Variants in ST3GAL1 observed in about 807,000 individuals in gnomAD.
ST3GAL1 encodes CMP-N-acetylneuraminate-beta-galactosamide-alpha-2,3-sialyltransferase 1.
In ST3GAL1, 16 loss-of-function variants were observed where a neutral mutation model predicts 34.1. The observed-to-expected ratio is 0.47, with a 90% CI of 0.32 to 0.71. ST3GAL1 has a LOEUF of 0.71. Ranked by LOEUF, ST3GAL1 falls within the 30% of genes least tolerant of loss-of-function variation. The pLI is 0.04. For synonymous variants in ST3GAL1, 191 were observed against 184.7 expected, an observed-to-expected ratio of 1.03 and a Z score of -0.28; for missense variants, 353 against 447.4, an observed-to-expected ratio of 0.79 and a Z score of 1.90.
intron 1 of ST3GAL1, among the ~76,000 whole-genome samples, chr8:133,557,453 G>A (rs1436881330): frequency 6.6e-6 from 1 of 152,068 alleles, no homozygotes; most frequent in Non-Finnish European, 1.5e-5. Context: ...GGTAATGCAG[G>A]CCTTGGCAGT....
chr8:133,470,805 G>T (rs925194231), intron 5 of ST3GAL1, among the ~76,000 whole-genome samples: 7 of 152,170 alleles, frequency 4.6e-5, no homozygotes, highest in Non-Finnish European at 8.8e-5. Context: ...ATGCCCAGGG[G>T]CACGGCCCGA....
intron 3 of ST3GAL1, among the ~76,000 whole-genome samples, chr8:133,488,870 G>GT (rs898445765): frequency 4.6e-5 from 7 of 152,030 alleles, no homozygotes; most frequent in Admixed American, 4.6e-4. Context: ...TGGCAGACAG[G>GT]GGGGGCCAGG....
At chr8:133,542,246 C>G (rs533111714) in intron 2 of ST3GAL1, among the ~76,000 whole-genome samples, 1 of 152,256 alleles carries the variant, frequency 6.6e-6, no homozygotes, top group African/African-American at 2.4e-5. Flanking sequence ...GGAAAGGAAC[C>G]AGGGCTCCTA....
intron 5 of ST3GAL1, among the ~76,000 whole-genome samples, chr8:133,474,070 G>T (rs1290237073): frequency 6.6e-6 from 1 of 152,194 alleles, no homozygotes; most frequent in Non-Finnish European, 1.5e-5. Flanking sequence ...TGGAAGCATA[G>T]CCCAGGGCTT....
At chr8:133,542,512 C>T (rs539976515) in intron 2 of ST3GAL1, among the ~76,000 whole-genome samples, 23 of 152,296 alleles carry the variant, frequency 1.5e-4, no homozygotes, top group Admixed American at 4.6e-4. Context: ...TGGTGGCTTA[C>T]GCCTGTATTC....
At chr8:133,551,602 GAAAGAA>G (rs1818862230) in intron 1 of ST3GAL1, among the ~76,000 whole-genome samples, 1 of 150,422 alleles carries the variant, frequency 6.6e-6, no homozygotes, top group African/African-American at 2.5e-5. Flanking sequence ...AAGAAAGAAA[GAAAGAA>G]AGAAAGAAAG....
chr8:133,544,965 A>G (rs532447803), intron 2 of ST3GAL1, among the ~76,000 whole-genome samples: 4 of 152,322 alleles, frequency 2.6e-5, no homozygotes, highest in African/African-American at 9.6e-5. Flanking sequence ...AGCAGAGTGA[A>G]GTGACATATC....
At chr8:133,483,830 G>C (rs1816482756) in intron 3 of ST3GAL1, among the ~76,000 whole-genome samples, 1 of 152,174 alleles carries the variant, frequency 6.6e-6, no homozygotes, top group Admixed American at 6.5e-5. Flanking sequence ...CTTATGTAGA[G>C]AGTCAGGCCC....
At chr8:133,482,120 G>C (rs1331995799) in intron 3 of ST3GAL1, among the ~76,000 whole-genome samples, 1 of 152,072 alleles carries the variant, frequency 6.6e-6, no homozygotes, top group Non-Finnish European at 1.5e-5. Context: ...TGCAGAAAAT[G>C]AGCAGGGAAT....
At chr8:133,512,385 T>G (rs375580954) in intron 2 of ST3GAL1, among the ~76,000 whole-genome samples, 157 of 152,354 alleles carry the variant, frequency 1.0e-3, no homozygotes, top group Middle Eastern at 3.4e-3. Flanking sequence ...CACGTTCCTC[T>G]GCCTGCTTTT....
rs933487271 is a variant in ST3GAL1, at chr8:133,469,012, G to A, written c.307-2922C>T. Reference sequence around the variant, plus strand: ...GCCGCTACTTTGATTTGGGAGCCTGGCACCGTGTATCCATCATGCAGTGAC... The same window carrying A: ...GCCGCTACTTTGATTTGGGAGCCTGACACCGTGTATCCATCATGCAGTGAC... On this transcript the variant is annotated intron_variant, in intron 5 of 9. Coordinates refer to ENST00000522652, the MANE Select transcript of ST3GAL1 (RefSeq NM_173344.3). The surrounding 1 kb of genome is among the most constrained non-coding windows in gnomAD (Gnocchi z 4.3). Among the ~76,000 whole-genome samples, 41 of 152,126 alleles carry A rather than the reference G, an allele frequency of 2.7e-4. No homozygotes were observed. The highest frequency in any genetic ancestry group is 8.9e-4 in the African/African-American group (37 of 41,416).
At chr8:133,540,898 T>TATATATAGAC (rs1563734168) in intron 2 of ST3GAL1, among the ~76,000 whole-genome samples, 12 of 92,516 alleles carry the variant, frequency 1.3e-4, no homozygotes, top group African/African-American at 4.1e-4. Context: ...TATATAGACA[T>TATATATAGAC]ATATATAGAC....
chr8:133,568,802 G>A (rs565019549), intron 1 of ST3GAL1, among the ~76,000 whole-genome samples: 2 of 152,214 alleles, frequency 1.3e-5, no homozygotes, highest in Non-Finnish European at 2.9e-5. Flanking sequence ...TCCTGGCTCG[G>A]GGGCTGCTTG....
At chr8:133,541,636 T>C (rs1818536524) in intron 2 of ST3GAL1, among the ~76,000 whole-genome samples, 4 of 152,200 alleles carry the variant, frequency 2.6e-5, no homozygotes, top group Admixed American at 2.6e-4. Flanking sequence ...GACAAATGCT[T>C]CCCCAGTCTT....
chr8:133,466,089 C>T lies in ST3GAL1; in HGVS notation c.308G>A (p.Arg103Lys), dbSNP rs147550550. The part of the protein sequence containing the change: ...LEDDTYRWWL[R>K]LQREKKPNNL... ...ATTGGGCTTCTTCTCCCGCTGGAGCCTCTGTGGGCGGAGGACAGAAGGTGG... is the reference window on the plus strand; with the variant it reads ...ATTGGGCTTCTTCTCCCGCTGGAGCTTCTGTGGGCGGAGGACAGAAGGTGG... The change falls in exon 6 of 10, where the codon AGG becomes AAG. Residue 103 changes from arginine (R) to lysine (K), a missense_variant and splice_region_variant. Transcript: ENST00000522652. This position sits in a 1 kb window ranked among gnomAD's most constrained non-coding sequence, Gnocchi z 4.4. 59 of 1,610,222 alleles carry T rather than the reference C, an allele frequency of 3.7e-5. No homozygotes were observed. The African/African-American group carries it at 7.5e-4, about 20-fold the overall frequency.
intron 2 of ST3GAL1, among the ~76,000 whole-genome samples, chr8:133,519,319 G>T (rs1345198499): frequency 6.6e-6 from 1 of 152,134 alleles, no homozygotes; most frequent in Non-Finnish European, 1.5e-5. Flanking sequence ...GGACTCATTA[G>T]CCACACTAGC....
intron 2 of ST3GAL1, among the ~76,000 whole-genome samples, chr8:133,506,473 G>C (rs1034397610): frequency 2.6e-5 from 4 of 152,184 alleles, no homozygotes; most frequent in African/African-American, 9.7e-5. Flanking sequence ...TTGAAAGATA[G>C]GATTGGTTGG....
At chr8:133,554,541 G>T (rs147733499) in intron 1 of ST3GAL1, among the ~76,000 whole-genome samples, 1 of 152,004 alleles carries the variant, frequency 6.6e-6, no homozygotes, top group Non-Finnish European at 1.5e-5. Flanking sequence ...CTAGGATTGC[G>T]CTGACTGCCC....
chr8:133,466,329 C>G lies in ST3GAL1; in HGVS notation c.307-239G>C, dbSNP rs1412014670. 6.6e-6 allele frequency among the ~76,000 whole-genome samples: 1 copy of G among 152,192 alleles called. No individual in the cohort carries two copies. ...ATGTATTCTGCAAGTGTTTACTGAG[C>G]ACCTACCATGTGCCAGGCACTGCTG... On this transcript the variant is annotated intron_variant, in intron 5 of 9. Coordinates refer to ENST00000522652, the MANE Select transcript of ST3GAL1 (RefSeq NM_173344.3). The surrounding 1 kb of genome is among the most constrained non-coding windows in gnomAD (Gnocchi z 4.4).
Sources: allele counts gnomAD v4.1 joint callset (sites outside exome capture counted in the v4.1 genomes callset), GRCh38; gene constraint gnomAD v4.1.1; non-coding constraint Gnocchi (gnomAD v3.1); transcripts MANE v1.5; gene names NCBI Gene and HGNC (gene_info 2026-07-23, HGNC 2026-07-21).